Variants in SH3GL2 observed in about 807,000 individuals in gnomAD.
SH3GL2 encodes endophilin-A1.
In SH3GL2, 24 loss-of-function variants were observed where a neutral mutation model predicts 46.0. The ratio of observed to expected loss-of-function variants is 0.52; its 90% CI spans 0.38 to 0.73. The LOEUF is 0.73. Ranked by LOEUF, SH3GL2 falls within the 30% of genes least tolerant of loss-of-function variation. The pLI is 0.00. For missense variants in SH3GL2, 413 were observed against 424.2 expected (o/e 0.97, Z 0.23); for synonymous variants, 196 against 147.1 (o/e 1.33, Z -2.40).
intron 1 of SH3GL2, among the ~76,000 whole-genome samples, chr9:17,588,560 A>G (rs1179809008): frequency 6.6e-6 from 1 of 152,200 alleles, no homozygotes; most frequent in Non-Finnish European, 1.5e-5. Flanking sequence ...TAATGCAGGC[A>G]GCCTCTAGGA....
At chr9:17,661,352 A>G (rs1210160621) in intron 1 of SH3GL2, among the ~76,000 whole-genome samples, 2 of 152,162 alleles carry the variant, frequency 1.3e-5, no homozygotes, top group Non-Finnish European at 2.9e-5. Flanking sequence ...TGACAGGCCC[A>G]GGATGGAGAG....
At chr9:17,621,664 C>T (rs1408566411) in intron 1 of SH3GL2, among the ~76,000 whole-genome samples, 1 of 152,110 alleles carries the variant, frequency 6.6e-6, no homozygotes, top group Non-Finnish European at 1.5e-5. Context: ...GTGCCAAAGC[C>T]TGGCTCATGG....
At chr9:17,625,173 G>T (rs971873177) in intron 1 of SH3GL2, among the ~76,000 whole-genome samples, 1 of 152,120 alleles carries the variant, frequency 6.6e-6, no homozygotes, top group African/African-American at 2.4e-5. Flanking sequence ...ACCATGCTCT[G>T]TAGGTGCCCC....
At chr9:17,694,766 GTA>G (rs1491238779) in intron 1 of SH3GL2, among the ~76,000 whole-genome samples, 2 of 152,136 alleles carry the variant, frequency 1.3e-5, no homozygotes, top group Admixed American at 1.3e-4. Context: ...TTTCCTTAAG[GTA>G]TTGCTCTGGA....
intron 7 of SH3GL2, 134 bp downstream of exon 7, chr9:17,791,468 T>C: frequency 1.6e-6 from 1 of 642,726 alleles, no homozygotes; most frequent in Non-Finnish European, 2.8e-6. Context: ...AGGCGCCTTG[T>C]GGATTGTTTT....
chr9:17,701,851 G>T (rs544168889), intron 1 of SH3GL2, among the ~76,000 whole-genome samples: 2 of 152,140 alleles, frequency 1.3e-5, no homozygotes, highest in Non-Finnish European at 2.9e-5. Context: ...TGATTGAAAA[G>T]ACTTAGCATC....
chr9:17,684,683 A>G (rs1244978885), intron 1 of SH3GL2, among the ~76,000 whole-genome samples: 1 of 152,142 alleles, frequency 6.6e-6, no homozygotes. Flanking sequence ...TCACACTGAG[A>G]AAAAACAAAA....
At chr9:17,720,978 T>C (rs979793121) in intron 1 of SH3GL2, among the ~76,000 whole-genome samples, 14 of 152,070 alleles carry the variant, frequency 9.2e-5, no homozygotes, top group African/African-American at 3.4e-4. Flanking sequence ...GTACGACTTG[T>C]GGCACATAAG....
intron 1 of SH3GL2, among the ~76,000 whole-genome samples, chr9:17,584,268 A>G (rs1470976858): frequency 6.6e-6 from 1 of 152,146 alleles, no homozygotes; most frequent in African/African-American, 2.4e-5. Context: ...TGGGAGGCCA[A>G]GGCGGGCGGA....
At chr9:17,614,514 G>A (rs992241013) in intron 1 of SH3GL2, among the ~76,000 whole-genome samples, 19 of 152,008 alleles carry the variant, frequency 1.2e-4, no homozygotes, top group African/African-American at 3.4e-4. Context: ...TTGGGACAGC[G>A]TAGCTATTTT....
intron 1 of SH3GL2, among the ~76,000 whole-genome samples, chr9:17,670,773 CT>C (rs1820455304): frequency 6.6e-6 from 1 of 152,072 alleles, no homozygotes; most frequent in East Asian, 1.9e-4. Flanking sequence ...TTTTTTTCCT[CT>C]TTTTATTCAT....
chr9:17,646,904 T>C (rs1650111553), intron 1 of SH3GL2, among the ~76,000 whole-genome samples: 1 of 152,232 alleles, frequency 6.6e-6, no homozygotes, highest in African/African-American at 2.4e-5. Context: ...TCGAGCACTG[T>C]GCTGGGTGAT....
intron 1 of SH3GL2, among the ~76,000 whole-genome samples, chr9:17,742,451 G>A (rs1327641749): frequency 6.6e-6 from 1 of 152,084 alleles, no homozygotes; most frequent in South Asian, 2.1e-4. Context: ...ACTACTGCAG[G>A]CTTAAAATTA....
chr9:17,758,560 T>TC (rs1588307893), intron 2 of SH3GL2, among the ~76,000 whole-genome samples: 1 of 6,172 alleles, frequency 1.6e-4, no homozygotes, highest in African/African-American at 3.5e-4. Context: ...AGACCCTGTC[T>TC]CAAAAAAAAA....
intron 1 of SH3GL2, among the ~76,000 whole-genome samples, chr9:17,643,466 A>G (rs561574211): frequency 5.3e-5 from 8 of 152,328 alleles, no homozygotes; most frequent in African/African-American, 1.7e-4. Context: ...TTCAAAGGGA[A>G]TGCTTCCAGC....
intron 1 of SH3GL2, among the ~76,000 whole-genome samples, chr9:17,644,676 T>C (rs918520868): frequency 6.6e-6 from 1 of 152,234 alleles, no homozygotes; most frequent in Admixed American, 6.5e-5. Flanking sequence ...GATTACACTG[T>C]GGCTTGAGAA....
At chr9:17,716,942 A>G (rs1451566202) in intron 1 of SH3GL2, among the ~76,000 whole-genome samples, 10 of 152,142 alleles carry the variant, frequency 6.6e-5, no homozygotes, top group Admixed American at 5.2e-4. Flanking sequence ...AGATTCATAC[A>G]TACATATGGT....
chr9:17,644,611 G>C (rs780373539), intron 1 of SH3GL2, among the ~76,000 whole-genome samples: 9 of 152,172 alleles, frequency 5.9e-5, no homozygotes, highest in Non-Finnish European at 1.0e-4. Flanking sequence ...AGGTTGTTCA[G>C]TTTTCATGTA....
chr9:17,620,532 C>T (rs1021626858), intron 1 of SH3GL2, among the ~76,000 whole-genome samples: 1 of 152,080 alleles, frequency 6.6e-6, no homozygotes, highest in East Asian at 1.9e-4. Context: ...AACTACTAAC[C>T]AAGGCAAACC....
Sources: allele counts gnomAD v4.1 joint callset (sites outside exome capture counted in the v4.1 genomes callset), GRCh38; gene constraint gnomAD v4.1.1; transcripts MANE v1.5; gene names NCBI Gene and HGNC (gene_info 2026-07-23, HGNC 2026-07-21).